The following MRPL35 variants were observed in gnomAD, a reference collection of about 807,000 sequenced individuals.
MRPL35 encodes large ribosomal subunit protein bL35m.
A neutral mutation model predicts 21.6 loss-of-function variants in MRPL35; 18 were observed. The ratio of observed to expected loss-of-function variants is 0.83; its 90% CI spans 0.58 to 1.24. The LOEUF (loss-of-function observed/expected upper bound fraction) is 1.24, where lower values mean the gene tolerates loss of function less well. MRPL35 is among the 50% of genes most tolerant of loss of function. The pLI is 0.00. For synonymous variants in MRPL35, 87 were observed against 86.9 expected, an observed-to-expected ratio of 1.00 and a Z score of -0.01; for missense variants, 223 against 223.2, an observed-to-expected ratio of 1.00 and a Z score of 0.01.
intron 1 of MRPL35, among the ~76,000 whole-genome samples, chr2:86,200,964 CCTG>C (rs1270422120): frequency 6.6e-6 from 1 of 152,174 alleles, no homozygotes; most frequent in Non-Finnish European, 1.5e-5. Flanking sequence ...CCCTGCCCGG[CCTG>C]CTGTATAATA....
At position 86,212,057 on chromosome 2, in the gene MRPL35, C is replaced by G; in HGVS notation, c.*1389C>G. On this transcript the variant is annotated 3_prime_UTR_variant, in exon 4 of 4. Transcript: ENST00000337109. ...TCTCCGATCAGAATCATCTGGGAAG[C>G]ATTTTCAAACAGCAAAGTACTTTGA... 9.5e-7 allele frequency: 1 copy of G among 1,056,508 alleles called. No individual in the cohort carries two copies. Among genetic ancestry groups the G allele is most frequent in the Non-Finnish European group, 1.1e-6 (1 of 874,492 alleles). The allele number at this position is 1,056,508 out of a possible 1,614,324, so 65.4% of individuals were successfully genotyped here.
At chr2:86,202,148 C>T (rs781208587) in intron 1 of MRPL35, among the ~76,000 whole-genome samples, 2 of 152,218 alleles carry the variant, frequency 1.3e-5, no homozygotes, top group Non-Finnish European at 2.9e-5. Flanking sequence ...CATGATTGAT[C>T]CACCAGAAGG....
chr2:86,213,047 C>A lies in MRPL35; in HGVS notation c.*2379C>A. 1 of 911,604 alleles carries A rather than the reference C, an allele frequency of 1.1e-6. No homozygotes were observed. Among genetic ancestry groups the A allele is most frequent in the Non-Finnish European group, 1.3e-6 (1 of 762,692 alleles). 56.5% of individuals were successfully genotyped at this position (911,604 alleles called of 1,614,324 possible). A position where few individuals can be genotyped will look rare whatever the true frequency, so the allele number is the denominator to read the frequency against. On this transcript the variant is annotated 3_prime_UTR_variant, in exon 4 of 4. Coordinates refer to ENST00000337109, the MANE Select transcript of MRPL35 (RefSeq NM_016622.4). ...AAGCCCTAATTTAGATTTGAGGAAA[C>A]TGAAGCTGAGAGAGGGTTAAGTAAA...
chr2:86,199,463 A>G lies in MRPL35; in HGVS notation c.-28A>G, dbSNP rs763412195. 4.4e-5 allele frequency: 71 copies of G among 1,613,948 alleles called. No homozygotes were observed. The East Asian group carries it at 1.6e-3, about 36-fold the overall frequency. ...CTTTTGCTCTTGTGCTTTTAAACCC[A>G]AAGCGGCCGCCGTAGGCGAAGGTGA... On this transcript the variant is annotated 5_prime_UTR_variant, in exon 1 of 4. Transcript: ENST00000337109.
In MRPL35 at chr2:86,212,785, T is replaced by C. The variant is rs1258091497; in HGVS notation, c.*2117T>C. 1 of 1,072,378 alleles carries C rather than the reference T, an allele frequency of 9.3e-7. No homozygotes were observed. The highest frequency in any genetic ancestry group is 1.1e-6 in the Non-Finnish European group (1 of 887,258). 66.4% of individuals were successfully genotyped at this position (1,072,378 alleles called of 1,614,324 possible). On this transcript the variant is annotated 3_prime_UTR_variant, in exon 4 of 4. Coordinates refer to ENST00000337109, the MANE Select transcript of MRPL35 (RefSeq NM_016622.4). Reference sequence around the variant, plus strand: ...TTTGTTTTGTGGGTAGGAGGGCTTATCATCAACACTGATTTTATAATCTGA... The same window carrying C: ...TTTGTTTTGTGGGTAGGAGGGCTTACCATCAACACTGATTTTATAATCTGA...
At position 86,212,727 on chromosome 2, in the gene MRPL35, A is replaced by T; in HGVS notation, c.*2059A>T. 6 of 1,182,122 alleles carry T rather than the reference A, an allele frequency of 5.1e-6. No homozygotes were observed. The highest frequency in any genetic ancestry group is 6.3e-6 in the Non-Finnish European group (6 of 956,264). The allele number at this position is 1,182,122 out of a possible 1,614,324, so 73.2% of individuals were successfully genotyped here. A position where few individuals can be genotyped will look rare whatever the true frequency, so the allele number is the denominator to read the frequency against. On this transcript the variant is annotated 3_prime_UTR_variant, in exon 4 of 4. Coordinates refer to ENST00000337109, the MANE Select transcript of MRPL35 (RefSeq NM_016622.4). ...AAGTGGGATGGCTGACAGGCACATA[A>T]CTTACGGGAAAGGGAATTTCATACA... is the stretch of plus-strand genomic sequence containing the variant.
rs971424732 is a variant in MRPL35, at chr2:86,211,573, T to C, written c.*905T>C. The C allele has an allele frequency of 2.0e-5, 20 of 985,328 alleles. No homozygotes were observed. The African/African-American group carries it at 3.3e-4, about 16-fold the overall frequency. 61.0% of individuals were successfully genotyped at this position (985,328 alleles called of 1,614,324 possible). ...CATTTACTGTAACAACATTTTTTCA[T>C]AGGAGAGTAAATAGCCCTTCAGCAT... On this transcript the variant is annotated 3_prime_UTR_variant, in exon 4 of 4. Coordinates refer to ENST00000337109, the MANE Select transcript of MRPL35 (RefSeq NM_016622.4).
In MRPL35 at chr2:86,206,307, T is replaced by C; in HGVS notation, c.233+12T>C. 6.3e-7 allele frequency: 1 copy of C among 1,576,306 alleles called. No homozygotes were observed. Among genetic ancestry groups the C allele is most frequent in the South Asian group, 1.2e-5 (1 of 85,158 alleles). Reference sequence around the variant, plus strand: ...GTGATCCTTAATAGGTAGAGTATATTTCTTTGTGGGGTTTTTTTTGTTTTT... The same window carrying C: ...GTGATCCTTAATAGGTAGAGTATATCTCTTTGTGGGGTTTTTTTTGTTTTT... On this transcript the variant is annotated intron_variant, in intron 2 of 3. Transcript: ENST00000337109.
In MRPL35 at chr2:86,211,543, C is replaced by T. The variant is rs1673902540; in HGVS notation, c.*875C>T. On this transcript the variant is annotated 3_prime_UTR_variant, in exon 4 of 4. Transcript: ENST00000337109. ...CACCAGGTTCATTGTGTTCATAACA[C>T]TTGTCATTTACTGTAACAACATTTT... 1.0e-6 allele frequency: 1 copy of T among 985,332 alleles called. No homozygotes were observed. Among genetic ancestry groups the T allele is most frequent in the Non-Finnish European group, 1.2e-6 (1 of 829,948 alleles). The allele number at this position is 985,332 out of a possible 1,614,324, so 61.0% of individuals were successfully genotyped here. A position where few individuals can be genotyped will look rare whatever the true frequency, so the allele number is the denominator to read the frequency against.
chr2:86,211,895 A>G lies in MRPL35; in HGVS notation c.*1227A>G. On this transcript the variant is annotated 3_prime_UTR_variant, in exon 4 of 4. Transcript: ENST00000337109. ...CCCACAAATTTTCAACAATCATTGTAGAAACTAAGGGGGAGAAAGTAATCT... is the reference window on the plus strand; with the variant it reads ...CCCACAAATTTTCAACAATCATTGTGGAAACTAAGGGGGAGAAAGTAATCT... The G allele has an allele frequency of 1.0e-6, 1 of 985,574 alleles. No homozygotes were observed. Among genetic ancestry groups the G allele is most frequent in the Non-Finnish European group, 1.2e-6 (1 of 830,026 alleles). The allele number at this position is 985,574 out of a possible 1,614,324, so 61.1% of individuals were successfully genotyped here. A position where few individuals can be genotyped will look rare whatever the true frequency, so the allele number is the denominator to read the frequency against.
rs911712800 is a variant in MRPL35, at chr2:86,213,290, A to C, written c.*2622A>C. On this transcript the variant is annotated 3_prime_UTR_variant, in exon 4 of 4. Transcript: ENST00000337109. ...GCTTTCCTGTCCTTTGCCAACTCTT[A>C]ACCTAGTTAATCCTAGTTCTGTTGA... 1.8e-6 allele frequency: 2 copies of C among 1,124,164 alleles called. No homozygotes were observed. The highest frequency in any genetic ancestry group is 3.2e-5 in the African/African-American group (2 of 62,064). 69.6% of individuals were successfully genotyped at this position (1,124,164 alleles called of 1,614,324 possible).
Position 86,212,310 on chromosome 2 carries a change from G to T in MRPL35, c.*1642G>T. The T allele has an allele frequency of 6.4e-7, 1 of 1,569,008 alleles. No homozygotes were observed. ...TCTAAAACCAGAAGTCCAAGTGCGT[G>T]TCTACTTATGGGACCAATAAATAAA... On this transcript the variant is annotated 3_prime_UTR_variant, in exon 4 of 4. Coordinates refer to ENST00000337109, the MANE Select transcript of MRPL35 (RefSeq NM_016622.4).
In MRPL35 at chr2:86,212,205, A is replaced by T; in HGVS notation, c.*1537A>T. ...AATTATGAAATTGAAGTTCTGCAGC[A>T]TGTCAGGCCAGGATTATTAGGGAGA... is the stretch of plus-strand genomic sequence containing the variant. On this transcript the variant is annotated 3_prime_UTR_variant, in exon 4 of 4. Coordinates refer to ENST00000337109, the MANE Select transcript of MRPL35 (RefSeq NM_016622.4). The T allele has an allele frequency of 7.6e-7, 1 of 1,310,560 alleles. No individual in the cohort carries two copies. Among genetic ancestry groups the T allele is most frequent in the South Asian group, 2.3e-5 (1 of 44,224 alleles). 81.2% of individuals were successfully genotyped at this position (1,310,560 alleles called of 1,614,324 possible).
chr2:86,201,064 A>G (rs201498217), intron 1 of MRPL35, among the ~76,000 whole-genome samples: 69 of 152,306 alleles, frequency 4.5e-4, no homozygotes, highest in East Asian at 9.6e-4. Context: ...CATGAGTCCA[A>G]TTGTTTCTGA....
chr2:86,206,036 A>G, intron 1 of MRPL35, 70 bp from the exon 2 acceptor site: 3 of 1,315,820 alleles, frequency 2.3e-6, no homozygotes, highest in Non-Finnish European at 3.2e-6. Flanking sequence ...TGGCAGTGAT[A>G]CATCTCTTAA....
intron 3 of MRPL35, among the ~76,000 whole-genome samples, chr2:86,209,073 C>T (rs1210904304): frequency 2.6e-5 from 4 of 152,076 alleles, no homozygotes; most frequent in South Asian, 2.1e-4. Context: ...GGTGTTTGTA[C>T]GTCAGAGATC....
At position 86,212,768 on chromosome 2, in the gene MRPL35, G is replaced by A; in HGVS notation, c.*2100G>A. 1 of 1,105,204 alleles carries A rather than the reference G, an allele frequency of 9.0e-7. No individual in the cohort carries two copies. The highest frequency in any genetic ancestry group is 1.1e-6 in the Non-Finnish European group (1 of 907,910). The allele number at this position is 1,105,204 out of a possible 1,614,324, so 68.5% of individuals were successfully genotyped here. On this transcript the variant is annotated 3_prime_UTR_variant, in exon 4 of 4. Coordinates refer to ENST00000337109, the MANE Select transcript of MRPL35 (RefSeq NM_016622.4). ...ATTTCATACATACGATTTTTGTTTT[G>A]TGGGTAGGAGGGCTTATCATCAACA... is the stretch of plus-strand genomic sequence containing the variant.
chr2:86,205,704 C>T (rs1295769070), intron 1 of MRPL35, among the ~76,000 whole-genome samples: 1 of 152,172 alleles, frequency 6.6e-6, no homozygotes, highest in Non-Finnish European at 1.5e-5. Flanking sequence ...TGTCGCCACT[C>T]TTGTCTCTCC....
intron 1 of MRPL35, among the ~76,000 whole-genome samples, chr2:86,203,704 T>C (rs1236068320): frequency 6.6e-6 from 1 of 152,190 alleles, no homozygotes; most frequent in African/African-American, 2.4e-5. Context: ...GTGCTACCCT[T>C]CCAAGCACTA....
Sources: allele counts gnomAD v4.1 joint callset (sites outside exome capture counted in the v4.1 genomes callset), GRCh38; gene constraint gnomAD v4.1.1; transcripts MANE v1.5; gene names NCBI Gene and HGNC (gene_info 2026-07-23, HGNC 2026-07-21).